P2RY8: variants seen among roughly 807,000 people sequenced by gnomAD.
The protein encoded by P2RY8 is P2Y receptor family member 8.
Under a neutral mutation model 10.0 loss-of-function variants are expected in P2RY8, and 6 were observed. The ratio of observed to expected loss-of-function variants is 0.60; its 90% confidence interval spans 0.33 to 1.19. The LOEUF (loss-of-function observed/expected upper bound fraction) is 1.19. Ranked by LOEUF, P2RY8 falls within the 50% of genes most tolerant of loss-of-function variation. The pLI is 0.04. For missense variants in P2RY8, 456 were observed against 542.0 expected, an observed-to-expected ratio of 0.84 and a Z score of 1.58; for synonymous variants, 276 against 252.5, an observed-to-expected ratio of 1.09 and a Z score of -0.88.
chrX:1,489,640 C>T (rs1435698423), intron 1 of P2RY8, among the ~76,000 whole-genome samples: 2 of 150,352 alleles, frequency 1.3e-5, no homozygotes, highest in African/African-American at 4.9e-5. Context: ...GGCTTCCCTG[C>T]AAATGTGGAG....
intron 1 of P2RY8, among the ~76,000 whole-genome samples, chrX:1,497,327 T>C (rs2092127141): frequency 6.7e-6 from 1 of 149,486 alleles, no homozygotes; most frequent in Non-Finnish European, 1.5e-5. Flanking sequence ...GGTTTTCTCT[T>C]TTTTTTTTTC....
At chrX:1,509,507 C>CCATCCATT (rs2092276238) in intron 1 of P2RY8, among the ~76,000 whole-genome samples, 1 of 116,910 alleles carries the variant, frequency 8.6e-6, no homozygotes, top group African/African-American at 3.5e-5. Flanking sequence ...ATCCCTCCAT[C>CCATCCATT]CATCCATTCA....
chrX:1,495,739 G>A (rs1473877865), intron 1 of P2RY8, among the ~76,000 whole-genome samples: 1 of 114,368 alleles, frequency 8.7e-6, no homozygotes, highest in Non-Finnish European at 2.0e-5. Context: ...AAGCCCAGGA[G>A]AGAGGCCTCA....
chrX:1,528,090 C>G (rs1263298664), intron 1 of P2RY8, among the ~76,000 whole-genome samples: 2 of 152,196 alleles, frequency 1.3e-5, no homozygotes. Flanking sequence ...AAATAAATAC[C>G]TGGAGACAGA....
chrX:1,479,435 GAGA>G (rs2091911812), intron 1 of P2RY8, among the ~76,000 whole-genome samples: 1 of 152,222 alleles, frequency 6.6e-6, no homozygotes, highest in Admixed American at 6.5e-5. Flanking sequence ...CGATTTCTAG[GAGA>G]AGATCTGCTG....
intron 1 of P2RY8, among the ~76,000 whole-genome samples, chrX:1,492,341 G>A (rs1248077461): frequency 2.0e-5 from 3 of 152,094 alleles, no homozygotes; most frequent in Non-Finnish European, 2.9e-5. Flanking sequence ...ATGGCTGGTC[G>A]GAACCCTTCA....
intron 1 of P2RY8, among the ~76,000 whole-genome samples, chrX:1,516,004 G>A (rs1240286107): frequency 4.1e-5 from 5 of 120,662 alleles, no homozygotes; most frequent in Non-Finnish European, 8.6e-5. Flanking sequence ...CCAATATGGT[G>A]AAACCCTGTC....
rs1307304416 is a variant in P2RY8, at chrX:1,463,768, G to C, written c.*1711C>G. On this transcript the variant is annotated 3_prime_UTR_variant, in exon 2 of 2. Transcript: ENST00000381297. ...TCCTGGGGACTCCAGGCATCCCTGG[G>C]CTTGGGGCAGCATCACTTCAGTCTC... 1.2e-4 allele frequency: 28 copies of C among 233,042 alleles called. No homozygotes were observed. The highest frequency in any genetic ancestry group is 4.4e-4 in the African/African-American group (20 of 45,266). 14.4% of individuals were successfully genotyped at this position (233,042 alleles called of 1,614,324 possible).
In P2RY8 at chrX:1,482,469, G is replaced by T. The variant is rs527699903; in HGVS notation, c.-24-15887C>A. ...GATTCATTTAACAGATGAGAGAGAGGTGACAGGAAGGTTCGCAGGCTTGAC... is the reference window on the plus strand; with the variant it reads ...GATTCATTTAACAGATGAGAGAGAGTTGACAGGAAGGTTCGCAGGCTTGAC... On this transcript the variant is annotated intron_variant, in intron 1 of 1. Transcript: ENST00000381297. 2.4e-4 allele frequency among the ~76,000 whole-genome samples: 36 copies of T among 152,134 alleles called. No individual in the cohort carries two copies. The South Asian group carries it at 6.6e-3, about 28-fold the overall frequency.
At chrX:1,475,419 G>T (rs2091864011) in intron 1 of P2RY8, among the ~76,000 whole-genome samples, 1 of 151,978 alleles carries the variant, frequency 6.6e-6, no homozygotes, top group African/African-American at 2.4e-5. Context: ...TTCCCTCAGA[G>T]CCCTAATGAG....
chrX:1,495,631 C>A (rs1181430465), intron 1 of P2RY8, among the ~76,000 whole-genome samples: 3 of 139,396 alleles, frequency 2.2e-5, no homozygotes, highest in Admixed American at 7.2e-5. Flanking sequence ...GATAGTCGTT[C>A]GAAATGGACA....
intron 1 of P2RY8, among the ~76,000 whole-genome samples, chrX:1,504,060 G>A (rs1459755139): frequency 2.6e-5 from 4 of 152,044 alleles, no homozygotes; most frequent in Non-Finnish European, 4.4e-5. Flanking sequence ...GCTCACGCCT[G>A]TAATCCCAGC....
rs1448910634 is a variant in P2RY8 at position 1,463,051 on chromosome X, G to A, written c.*2428C>T. The A allele has an allele frequency of 3.9e-5, 9 of 232,754 alleles. No homozygotes were observed. The highest frequency in any genetic ancestry group is 1.8e-4 in the South Asian group (1 of 5,522). 14.4% of individuals were successfully genotyped at this position (232,754 alleles called of 1,614,324 possible). A position where few individuals can be genotyped will look rare whatever the true frequency, so the allele number is the denominator to read the frequency against. On this transcript the variant is annotated 3_prime_UTR_variant, in exon 2 of 2. Transcript: ENST00000381297. ...CTGGGGGACGTCAGGGTTCTCGCAC[G>A]TTGTCGAGGAAGGATATTGTCTCGG...
intron 1 of P2RY8, among the ~76,000 whole-genome samples, chrX:1,469,372 A>G (rs1464803743): frequency 1.3e-5 from 2 of 151,398 alleles, no homozygotes; most frequent in Non-Finnish European, 2.9e-5. Context: ...TCACCATGTT[A>G]ACCAGGCTGG....
intron 1 of P2RY8, among the ~76,000 whole-genome samples, chrX:1,526,985 C>T (rs1400215202): frequency 3.9e-5 from 6 of 152,152 alleles, no homozygotes; most frequent in African/African-American, 1.4e-4. Context: ...CATCTGCCTC[C>T]CGGGTTCAAG....
rs1460223396 is a variant in P2RY8, at chrX:1,477,665, A to G, written c.-24-11083T>C. 7.9e-5 allele frequency among the ~76,000 whole-genome samples: 12 copies of G among 152,258 alleles called. No individual in the cohort carries two copies. The Middle Eastern group carries it at 0.01, about 129-fold the overall frequency. On this transcript the variant is annotated intron_variant, in intron 1 of 1. Coordinates refer to ENST00000381297, the MANE Select transcript of P2RY8 (RefSeq NM_178129.5). ...GTCTGGCATCTGGTGGGTAGATCCC[A>G]GGGACACTGCTCAACACCCTACAGT...
chrX:1,486,312 A>C (rs2091985649), intron 1 of P2RY8, among the ~76,000 whole-genome samples: 1 of 152,232 alleles, frequency 6.6e-6, no homozygotes, highest in African/African-American at 2.4e-5. Context: ...AAACAGCCCA[A>C]GTGTCCGTCA....
chrX:1,532,327 T>TC (rs1325685894), intron 1 of P2RY8, among the ~76,000 whole-genome samples: 1 of 149,756 alleles, frequency 6.7e-6, no homozygotes, highest in Non-Finnish European at 1.5e-5. Context: ...CACACACGTA[T>TC]ATATACACAT....
intron 1 of P2RY8, among the ~76,000 whole-genome samples, chrX:1,500,468 G>A (rs1291599357): frequency 6.6e-6 from 1 of 151,322 alleles, no homozygotes; most frequent in East Asian, 2.0e-4. Context: ...TTTTTGAGAC[G>A]GAGTCTCACT....
Sources: gnomAD v4.1 joint callset for allele counts (sites outside exome capture counted in the v4.1 genomes callset) on GRCh38, gnomAD v4.1.1 for gene constraint, MANE v1.5 for transcripts, NCBI Gene and HGNC (gene_info 2026-07-23, HGNC 2026-07-21) for gene names.